Variants in UTY observed in about 807,000 individuals in gnomAD.
UTY encodes ubiquitously transcribed tetratricopeptide repeat containing, Y-linked.
In UTY, 12 loss-of-function variants were observed where a neutral mutation model predicts 32.5. The observed-to-expected ratio is 0.37, with a 90% confidence interval of 0.24 to 0.60. The LOEUF (loss-of-function observed/expected upper bound fraction) is 0.60. Ranked by LOEUF, UTY falls within the 20% of genes least tolerant of loss-of-function variation. The pLI, the probability that UTY is intolerant of heterozygous loss-of-function variation, is 0.69. For missense variants in UTY, 303 were observed against 299.2 expected (o/e 1.01, Z -0.09); for synonymous variants, 131 against 103.4 (o/e 1.27, Z -1.62).
intron 28 of UTY, among the ~76,000 whole-genome samples, chrY:13,242,782 T>C (rs1008035331): frequency 1.5e-4 from 5 of 33,582 alleles, no homozygotes; most frequent in Admixed American, 8.1e-4. Flanking sequence ...TGGAAGCAAA[T>C]TGGATAACCC....
At chrY:13,356,453 C>A (rs2062934704) in intron 15 of UTY, among the ~76,000 whole-genome samples, 1 of 30,210 alleles carries the variant, frequency 3.3e-5, no homozygotes, top group Non-Finnish European at 8.0e-5. Flanking sequence ...CCACGCCCGG[C>A]CCCGATAGTG....
intron 4 of UTY, among the ~76,000 whole-genome samples, chrY:13,441,678 T>A (rs1000424075): frequency 3.0e-5 from 1 of 33,649 alleles, no homozygotes. Flanking sequence ...TTCATCCCAT[T>A]TTCTAGGTTC....
chrY:13,297,456 T>C, intron 27 of UTY: 21 of 150,515 alleles, frequency 1.4e-4, no homozygotes, highest in Non-Finnish European at 2.1e-4. Flanking sequence ...CAGTGTATAT[T>C]CATGTACATC....
chrY:13,307,574 A>C, intron 21 of UTY, among the ~76,000 whole-genome samples: 1 of 33,685 alleles, frequency 3.0e-5, no homozygotes, highest in African/African-American at 1.2e-4. Context: ...GCAAATAATT[A>C]AACTCTATCA....
intron 28 of UTY, among the ~76,000 whole-genome samples, chrY:13,237,066 T>C (rs894008014): frequency 8.9e-5 from 3 of 33,779 alleles, no homozygotes; most frequent in Non-Finnish European, 2.2e-4. Flanking sequence ...GAACAACATA[T>C]AGAAAGGGAG....
At chrY:13,354,467 G>C in intron 17 of UTY, among the ~76,000 whole-genome samples, 2 of 31,154 alleles carry the variant, frequency 6.4e-5, no homozygotes, top group African/African-American at 2.5e-4. Flanking sequence ...GAAGGAAAGA[G>C]GGAAGGAAGG....
intron 3 of UTY, among the ~76,000 whole-genome samples, chrY:13,467,488 G>A (rs985268067): frequency 8.9e-5 from 3 of 33,779 alleles, no homozygotes; most frequent in Admixed American, 2.6e-4. Flanking sequence ...AAAAATACAC[G>A]CCAGGAGCAA....
intron 2 of UTY, among the ~76,000 whole-genome samples, chrY:13,472,405 T>TAA: frequency 1.1e-3 from 28 of 25,050 alleles, no homozygotes; most frequent in African/African-American, 4.0e-3. Flanking sequence ...ATTAAAAAGA[T>TAA]AAAAAAAAAA....
At position 13,335,936 on chromosome Y, in the gene UTY, T is replaced by C; in HGVS notation, c.2461A>G (p.Asn821Asp). ...GDSPNLLIAD[N>D]PQLSALLIGK... The stretch of plus-strand genomic sequence containing the variant: ...ATCAACAAAGCAGAGAGCTGAGGAT[T>C]GTCTGCAATTAATAAATTTGGTGAA... Residue 821 changes from asparagine to aspartate, a missense_variant, in exon 18 of 30, where the codon AAT becomes GAT. Coordinates refer to ENST00000545955, the MANE Select transcript of UTY (RefSeq NM_001258249.2). 1 of 399,143 alleles carries C rather than the reference T, an allele frequency of 2.5e-6. No homozygotes were observed. The highest frequency in any genetic ancestry group is 3.0e-5 in the South Asian group (1 of 33,787).
chrY:13,385,472 G>A, intron 8 of UTY, among the ~76,000 whole-genome samples: 1 of 32,954 alleles, frequency 3.0e-5, no homozygotes, highest in African/African-American at 1.2e-4. Context: ...CTCTGTCTTC[G>A]AGACTGAAGG....
intron 25 of UTY, among the ~76,000 whole-genome samples, chrY:13,300,968 ACTGCAACTT>A (rs2058351071): frequency 3.2e-5 from 1 of 31,190 alleles, no homozygotes; most frequent in Non-Finnish European, 7.7e-5. Flanking sequence ...ATTTCAGCTC[ACTGCAACTT>A]CTGCTTCCCG....
At chrY:13,463,301 T>C (rs2077582872) in intron 3 of UTY, among the ~76,000 whole-genome samples, 1 of 33,213 alleles carries the variant, frequency 3.0e-5, no homozygotes, top group Non-Finnish European at 7.4e-5. Flanking sequence ...GTCTTTGCTA[T>C]TGTGAATAGT....
chrY:13,380,960 G>A (rs767183197), intron 8 of UTY, among the ~76,000 whole-genome samples: 1 of 33,114 alleles, frequency 3.0e-5, no homozygotes, highest in South Asian at 6.6e-4. Context: ...TTAGAGAGAA[G>A]GAAAGCGACA....
rs777419238 is a variant in UTY at position 13,306,089 on chromosome Y, G to T, written c.3365C>A (p.Pro1122His). ...GGTCCCAAATTTTATGGTTTTAAAA[G>T]GTCCTTTCCTTCTCCTTCCAGAACT... ...SENSGRRRKG[P>H]FKTIKFGTNI... The change falls in exon 23 of 30, where the codon CCT becomes CAT. Residue 1122 changes from proline to histidine, a missense_variant. Transcript: ENST00000545955. 2.5e-6 allele frequency: 1 copy of T among 397,347 alleles called. No homozygotes were observed. Among genetic ancestry groups the T allele is most frequent in the Non-Finnish European group, 3.5e-6 (1 of 282,723 alleles).
intron 28 of UTY, among the ~76,000 whole-genome samples, chrY:13,240,137 T>C: frequency 1.2e-4 from 4 of 32,554 alleles, no homozygotes; most frequent in African/African-American, 3.6e-4. Context: ...TCCACTTATA[T>C]GCTCTCTACA....
At chrY:13,478,560 C>T (rs751318237) in intron 2 of UTY, among the ~76,000 whole-genome samples, 1 of 33,006 alleles carries the variant, frequency 3.0e-5, no homozygotes, top group Non-Finnish European at 7.4e-5. Flanking sequence ...CCCTTTTTAC[C>T]CGCCATCTTG....
At chrY:13,242,448 G>T in intron 28 of UTY, among the ~76,000 whole-genome samples, 1 of 33,515 alleles carries the variant, frequency 3.0e-5, no homozygotes, top group Non-Finnish European at 7.4e-5. Flanking sequence ...CAACAAAAAA[G>T]AAAACTACAC....
chrY:13,434,781 A>G, intron 4 of UTY, among the ~76,000 whole-genome samples: 2 of 33,916 alleles, frequency 5.9e-5, no homozygotes, highest in African/African-American at 2.3e-4. Flanking sequence ...TTCATAAAAC[A>G]AATATTACTA....
At chrY:13,326,527 A>G (rs775429046) in intron 18 of UTY, among the ~76,000 whole-genome samples, 177 bp from the exon 19 acceptor site, 1 of 34,067 alleles carries the variant, frequency 2.9e-5, no homozygotes, top group Admixed American at 2.7e-4. Context: ...GATGTGTTAT[A>G]AAAGCTAAAC....
Sources: allele counts gnomAD v4.1 joint callset (sites outside exome capture counted in the v4.1 genomes callset), GRCh38; gene constraint gnomAD v4.1.1; transcripts MANE v1.5; gene names NCBI Gene and HGNC (gene_info 2026-07-23, HGNC 2026-07-21).